SSH2: variants seen among roughly 807,000 people sequenced by gnomAD.
SSH2 encodes protein phosphatase Slingshot homolog 2.
Under a neutral mutation model 135.2 loss-of-function variants are expected in SSH2, and 37 were observed. The observed-to-expected ratio is 0.27, with a 90% CI of 0.21 to 0.36. The LOEUF is 0.36. SSH2 is among the 10% of genes least tolerant of loss of function. SSH2 has a pLI of 1.00. For synonymous variants in SSH2, 628 were observed against 646.2 expected (o/e 0.97, Z 0.43); for missense variants, 1,408 against 1,765.3 (o/e 0.80, Z 3.63).
intron 3 of SSH2, chr17:29,775,821 T>G (rs1371397307): frequency 6.6e-6 from 1 of 152,184 alleles, no homozygotes; most frequent in African/African-American, 2.4e-5. Flanking sequence ...ATTTTAAACA[T>G]AACCTGAAAA....
At chr17:29,705,120 T>C (rs560871211) in intron 3 of SSH2, among the ~76,000 whole-genome samples, 15 of 152,330 alleles carry the variant, frequency 9.8e-5, no homozygotes, top group African/African-American at 3.6e-4. Flanking sequence ...TAGTCATCCT[T>C]AGTGTCTTTC....
At chr17:29,646,847 C>A (rs955352582) in intron 14 of SSH2, among the ~76,000 whole-genome samples, 1 of 152,018 alleles carries the variant, frequency 6.6e-6, no homozygotes, top group African/African-American at 2.4e-5. Context: ...TGCTTTCATA[C>A]CTCAAAGGAG....
At chr17:29,854,893 G>C (rs1023640925) in intron 1 of SSH2, among the ~76,000 whole-genome samples, 11 of 152,156 alleles carry the variant, frequency 7.2e-5, no homozygotes, top group African/African-American at 2.2e-4. Context: ...GTTGCAGTGA[G>C]CCGAGATTGC....
intron 2 of SSH2, among the ~76,000 whole-genome samples, chr17:29,838,070 G>GGTCC (rs1443946861): frequency 1.3e-5 from 2 of 152,252 alleles, no homozygotes; most frequent in African/African-American, 4.8e-5. Flanking sequence ...GGCCCAGGAA[G>GGTCC]GTCCCTCCTT....
At chr17:29,904,117 T>C (rs1416679237) in intron 1 of SSH2, among the ~76,000 whole-genome samples, 1 of 151,988 alleles carries the variant, frequency 6.6e-6, no homozygotes, top group Non-Finnish European at 1.5e-5. Context: ...TTCCAAAAAA[T>C]TGAAAAGGAA....
chr17:29,926,896 C>G (rs1283755515), intron 1 of SSH2, among the ~76,000 whole-genome samples: 2 of 152,126 alleles, frequency 1.3e-5, no homozygotes, highest in East Asian at 3.9e-4. Context: ...TCGAGAGCCA[C>G]CTATTAGGCA....
chr17:29,740,068 C>A (rs1357952517), intron 3 of SSH2, among the ~76,000 whole-genome samples: 1 of 152,182 alleles, frequency 6.6e-6, no homozygotes, highest in African/African-American at 2.4e-5. Flanking sequence ...GCTGGATTGA[C>A]CTCGCAGTAT....
chr17:29,713,724 C>T (rs78019168), intron 3 of SSH2, among the ~76,000 whole-genome samples: 2,136 of 152,292 alleles, frequency 0.014, 45 homozygotes, highest in African/African-American at 0.046. Flanking sequence ...CAAAACACTT[C>T]TGAGTTTGCT....
rs552134530 is a variant in SSH2 at position 29,740,952 on chromosome 17, A to G, written c.189-37890T>C. Among the ~76,000 whole-genome samples the G allele has an allele frequency of 1.2e-4, 18 of 152,326 alleles. No homozygotes were observed. In the East Asian group the frequency reaches 3.5e-3, roughly 29 times the overall value. ...AACTGACAATGTGGGGAACAAACTT[A>G]AATTCACAAACACTACCCATATGCT... is the stretch of plus-strand genomic sequence containing the variant. On this transcript the variant is annotated intron_variant, in intron 3 of 15. Coordinates refer to ENST00000540801, the MANE Select transcript of SSH2 (RefSeq NM_001282129.2).
chr17:29,832,422 C>T (rs1185828072), intron 2 of SSH2, among the ~76,000 whole-genome samples: 4 of 151,752 alleles, frequency 2.6e-5, no homozygotes, highest in Non-Finnish European at 5.9e-5. Flanking sequence ...GTGAGCCTGG[C>T]CCTGTTTTTC....
chr17:29,669,056 C>T (rs1166303348), intron 9 of SSH2, among the ~76,000 whole-genome samples: 1 of 151,992 alleles, frequency 6.6e-6, no homozygotes, highest in East Asian at 1.9e-4. Flanking sequence ...CGAGACCAGC[C>T]TAGCCAACAT....
At chr17:29,772,149 A>G (rs1049608346) in intron 3 of SSH2, among the ~76,000 whole-genome samples, 1 of 152,096 alleles carries the variant, frequency 6.6e-6, no homozygotes, top group South Asian at 2.1e-4. Flanking sequence ...CCTCACAGCA[A>G]CCTAAAAGGA....
At chr17:29,814,205 G>T (rs1254202170) in intron 2 of SSH2, among the ~76,000 whole-genome samples, 2 of 149,086 alleles carry the variant, frequency 1.3e-5, no homozygotes, top group Non-Finnish European at 3.0e-5. Flanking sequence ...GGAGGCCGAG[G>T]TGGGCGGATC....
intron 3 of SSH2, among the ~76,000 whole-genome samples, chr17:29,744,151 G>A (rs973546300): frequency 2.6e-5 from 4 of 152,176 alleles, no homozygotes; most frequent in Non-Finnish European, 5.9e-5. Context: ...AGAAGCCCCT[G>A]CTGGGGTAGG....
chr17:29,792,825 C>G (rs1357688307), intron 3 of SSH2, among the ~76,000 whole-genome samples: 1 of 152,156 alleles, frequency 6.6e-6, no homozygotes, highest in Non-Finnish European at 1.5e-5. Context: ...TACAGGCACC[C>G]GCCACCATGC....
At chr17:29,852,600 G>A (rs577977874) in intron 1 of SSH2, among the ~76,000 whole-genome samples, 140 of 150,830 alleles carry the variant, frequency 9.3e-4, no homozygotes, top group Non-Finnish European at 1.4e-3. Context: ...CATCCAGGCT[G>A]GAGTACAGTG....
intron 2 of SSH2, among the ~76,000 whole-genome samples, chr17:29,841,892 A>ATTTTTTTTTTTTTTTTT (rs770836134): frequency 1.0e-5 from 1 of 99,640 alleles, no homozygotes; most frequent in Admixed American, 1.3e-4. Context: ...CCCTTGGCTA[A>ATTTTTTTTTTTTTTTTT]TTTTTTTTTT....
intron 3 of SSH2, among the ~76,000 whole-genome samples, chr17:29,749,661 G>A (rs574390853): frequency 6.6e-6 from 1 of 152,238 alleles, no homozygotes; most frequent in South Asian, 2.1e-4. Context: ...GGACATGACT[G>A]TAACTACTGT....
At chr17:29,929,800 G>A in intron 1 of SSH2, 138 bp downstream of exon 1, 12 of 744,780 alleles carry the variant, frequency 1.6e-5, no homozygotes, top group East Asian at 2.7e-5. Context: ...ATGGGGGTGT[G>A]GGGGGGTTCG....
Sources: gnomAD v4.1 joint callset for allele counts (sites outside exome capture counted in the v4.1 genomes callset) on GRCh38, gnomAD v4.1.1 for gene constraint, MANE v1.5 for transcripts, NCBI Gene and HGNC (gene_info 2026-07-23, HGNC 2026-07-21) for gene names.